The following WDR72 variants were observed in gnomAD, a reference collection of about 807,000 sequenced individuals.
WDR72 encodes the protein WD repeat-containing protein 72.
Under a neutral mutation model 124.2 loss-of-function variants are expected in WDR72, and 120 were observed. The ratio of observed to expected loss-of-function variants is 0.97; its 90% CI spans 0.83 to 1.12. The LOEUF is 1.12. Ranked by LOEUF, WDR72 falls within the 50% of genes most tolerant of loss-of-function variation. WDR72 has a pLI of 0.00. For synonymous variants in WDR72, 452 were observed against 441.7 expected (o/e 1.02, Z -0.29); for missense variants, 1,387 against 1,278.8 (o/e 1.08, Z -1.29).
At chr15:53,525,873 A>G (rs1433464545) in intron 18 of WDR72, among the ~76,000 whole-genome samples, 1 of 152,100 alleles carries the variant, frequency 6.6e-6, no homozygotes, top group Non-Finnish European at 1.5e-5. Flanking sequence ...AGGGCATCCA[A>G]TTAAATTTAC....
At chr15:53,524,927 T>G (rs1892024427) in intron 18 of WDR72, among the ~76,000 whole-genome samples, 1 of 152,084 alleles carries the variant, frequency 6.6e-6, no homozygotes, top group African/African-American at 2.4e-5. Flanking sequence ...AGAGGTACCA[T>G]GCTAAATGTC....
upstream of WDR72, among the ~76,000 whole-genome samples, chr15:53,761,436 C>G (rs1284937787): frequency 6.6e-6 from 1 of 152,178 alleles, no homozygotes; most frequent in East Asian, 1.9e-4. Context: ...AAAAATAAAA[C>G]TACCATATGA....
intron 14 of WDR72, among the ~76,000 whole-genome samples, chr15:53,635,855 TAAAAAC>T (rs1459142450): frequency 6.6e-6 from 1 of 151,856 alleles, no homozygotes; most frequent in Non-Finnish European, 1.5e-5. Flanking sequence ...AGTTGAAAAA[TAAAAAC>T]AAAATGCTGC....
intron 18 of WDR72, among the ~76,000 whole-genome samples, chr15:53,528,857 C>T (rs1487302993): frequency 6.6e-6 from 1 of 151,906 alleles, no homozygotes; most frequent in Non-Finnish European, 1.5e-5. Flanking sequence ...TCAAATTGTT[C>T]TGTTATTCAG....
At chr15:53,688,743 G>A (rs956576014) in intron 13 of WDR72, among the ~76,000 whole-genome samples, 1 of 151,944 alleles carries the variant, frequency 6.6e-6, no homozygotes, top group Non-Finnish European at 1.5e-5. Flanking sequence ...CCAAAAAAGA[G>A]CCCGCATCGC....
intron 2 of WDR72, among the ~76,000 whole-genome samples, chr15:53,726,220 GTATATATATATATATGTA>G (rs2018025344): frequency 7.3e-6 from 1 of 136,476 alleles, no homozygotes; most frequent in Non-Finnish European, 1.5e-5. Context: ...ATATGTATGT[GTATATATATATATATGTA>G]TGTGTGTATA....
At chr15:53,594,101 C>T (rs887182123) in intron 18 of WDR72, among the ~76,000 whole-genome samples, 1 of 151,860 alleles carries the variant, frequency 6.6e-6, no homozygotes, top group Non-Finnish European at 1.5e-5. Flanking sequence ...TCATAAGATT[C>T]TTAGCAAAGC....
chr15:53,613,106 T>C (rs1396702587), intron 16 of WDR72, among the ~76,000 whole-genome samples: 1 of 152,106 alleles, frequency 6.6e-6, no homozygotes, highest in Non-Finnish European at 1.5e-5. Context: ...CTGTCATTTA[T>C]TGAGATGTCC....
chr15:53,686,983 G>A (rs2016656234), intron 13 of WDR72, among the ~76,000 whole-genome samples: 1 of 151,452 alleles, frequency 6.6e-6, no homozygotes, highest in East Asian at 2.0e-4. Flanking sequence ...ACGAAATGAA[G>A]GCGGAAATAA....
At chr15:53,610,534 C>T (rs908381761) in intron 16 of WDR72, among the ~76,000 whole-genome samples, 3 of 151,486 alleles carry the variant, frequency 2.0e-5, no homozygotes, top group Non-Finnish European at 2.9e-5. Flanking sequence ...GTCTGATACA[C>T]TTTTCATCAA....
At chr15:53,564,426 G>A (rs1894227328) in intron 18 of WDR72, among the ~76,000 whole-genome samples, 1 of 151,856 alleles carries the variant, frequency 6.6e-6, no homozygotes, top group African/African-American at 2.4e-5. Flanking sequence ...TCTAAAGATA[G>A]AAGACAAATT....
chr15:53,590,919 A>G (rs2012460540), intron 18 of WDR72, among the ~76,000 whole-genome samples: 1 of 152,104 alleles, frequency 6.6e-6, no homozygotes, highest in African/African-American at 2.4e-5. Context: ...AGATTAAAAG[A>G]GAACACTAGT....
intron 1 of WDR72, among the ~76,000 whole-genome samples, chr15:53,755,240 A>C (rs1317570500): frequency 6.6e-6 from 1 of 152,244 alleles, no homozygotes; most frequent in Non-Finnish European, 1.5e-5. Context: ...TGGAAATCAA[A>C]ATGCATATAA....
At chr15:53,719,404 C>A (rs1474394499) in intron 3 of WDR72, among the ~76,000 whole-genome samples, 2 of 152,044 alleles carry the variant, frequency 1.3e-5, no homozygotes, top group Non-Finnish European at 2.9e-5. Flanking sequence ...TTATCTACTC[C>A]CCTGGCTTCA....
At chr15:53,544,978 G>A (rs1276226482) in intron 18 of WDR72, among the ~76,000 whole-genome samples, 1 of 142,762 alleles carries the variant, frequency 7.0e-6, no homozygotes, top group East Asian at 2.1e-4. Context: ...CCTCTTCAAG[G>A]AGAACTACAA....
intron 18 of WDR72, among the ~76,000 whole-genome samples, chr15:53,559,446 C>G (rs1242956549): frequency 5.3e-5 from 8 of 152,060 alleles, no homozygotes; most frequent in Non-Finnish European, 1.2e-4. Context: ...CATTTGCAGA[C>G]AGCTGCAATA....
chr15:53,716,725 A>T, intron 3 of WDR72, 40 bp from the exon 4 acceptor site: 2 of 1,454,764 alleles, frequency 1.4e-6, no homozygotes, highest in Non-Finnish European at 1.9e-6. Flanking sequence ...TGTCATTTCC[A>T]CTCAATTGGC....
At chr15:53,546,227 C>A (rs1034074885) in intron 18 of WDR72, among the ~76,000 whole-genome samples, 7 of 150,918 alleles carry the variant, frequency 4.6e-5, no homozygotes, top group South Asian at 2.1e-4. Flanking sequence ...ATGTTTATTG[C>A]GGCATTATTC....
intron 18 of WDR72, among the ~76,000 whole-genome samples, chr15:53,593,292 G>GATCTAAAT: frequency 1.3e-5 from 2 of 152,094 alleles, no homozygotes; most frequent in Non-Finnish European, 2.9e-5. Context: ...AACTGATTTA[G>GATCTAAAT]GGCAAATTTC....
Sources: gnomAD v4.1 joint callset for allele counts (sites outside exome capture counted in the v4.1 genomes callset) on GRCh38, gnomAD v4.1.1 for gene constraint, MANE v1.5 for transcripts, NCBI Gene and HGNC (gene_info 2026-07-23, HGNC 2026-07-21) for gene names.